Variants in HLTF observed in about 807,000 individuals in gnomAD.
The protein encoded by HLTF is DNA-dependent ATPase/E3 ubiquitin-protein ligase HLTF.
HLTF carries 127 observed loss-of-function variants against 129.4 expected under a neutral mutation model. That is an observed-to-expected ratio of 0.98 (90% CI 0.85 to 1.14). HLTF has a LOEUF of 1.14. Ranked by LOEUF, HLTF falls within the 50% of genes most tolerant of loss-of-function variation. The pLI, the probability that HLTF is intolerant of heterozygous loss-of-function variation, is 0.00. For synonymous variants in HLTF, 332 were observed against 388.8 expected (o/e 0.85, Z 1.72); for missense variants, 1,139 against 1,187.1 (o/e 0.96, Z 0.60).
chr3:149,034,459 C>T (rs1288369334), intron 24 of HLTF, among the ~76,000 whole-genome samples: 1 of 152,048 alleles, frequency 6.6e-6, no homozygotes, highest in Non-Finnish European at 1.5e-5. Flanking sequence ...TTAATGGATA[C>T]ACAGTTTCAG....
At chr3:149,041,237 C>T (rs1250683963) in intron 20 of HLTF, among the ~76,000 whole-genome samples, 1 of 152,066 alleles carries the variant, frequency 6.6e-6, no homozygotes, top group Non-Finnish European at 1.5e-5. Context: ...ATCTTTGTGT[C>T]TCACATTATC....
intron 8 of HLTF, among the ~76,000 whole-genome samples, chr3:149,065,348 C>G (rs539062696): frequency 5.9e-5 from 9 of 152,238 alleles, no homozygotes; most frequent in African/African-American, 2.2e-4. Flanking sequence ...CTTCTTACTC[C>G]ATGGGGTATT....
rs1261375314 is a variant in HLTF at position 149,040,275 on chromosome 3, C to A, written c.2377-119G>T. 3 of 830,860 alleles carry A rather than the reference C, an allele frequency of 3.6e-6. No homozygotes were observed. The South Asian group carries it at 4.9e-5, about 13-fold the overall frequency. The allele number at this position is 830,860 out of a possible 1,614,324, so 51.5% of individuals were successfully genotyped here. On this transcript the variant is annotated intron_variant, in intron 20 of 24. Transcript: ENST00000310053. ...CTCTCATAGCTAACATTTTATTAAA[C>A]CTTTTAATGGATTTCATCCATTTAA...
At chr3:149,064,903 AT>A in intron 8 of HLTF, 37 bp from the exon 9 acceptor site, 1 of 1,191,672 alleles carries the variant, frequency 8.4e-7, no homozygotes, top group Non-Finnish European at 1.2e-6. Context: ...CAGTACTGCT[AT>A]CAGTTTTAAA....
At position 149,072,185 on chromosome 3, in the gene HLTF, G is replaced by C. The variant is rs548204070; in HGVS notation, c.628-528C>G. Among the ~76,000 whole-genome samples the C allele has an allele frequency of 2.6e-5, 4 of 152,322 alleles. No individual in the cohort carries two copies. The East Asian group carries it at 7.7e-4, about 29-fold the overall frequency. ...AATGAACAGGTGCTTTAGTTGTTAGGAGGTAAAAGAATATAAAAGAATTTT... is the reference window on the plus strand; with the variant it reads ...AATGAACAGGTGCTTTAGTTGTTAGCAGGTAAAAGAATATAAAAGAATTTT... On this transcript the variant is annotated intron_variant, in intron 5 of 24. Coordinates refer to ENST00000310053, the MANE Select transcript of HLTF (RefSeq NM_003071.4).
Position 149,084,745 on chromosome 3 carries a change from T to C in HLTF, c.165A>G (p.Val55=). ...PDDFLTSDEE[V]DSVLFGSLRG... Reference sequence around the variant, plus strand: ...TCAAACTTCCAAATAAAACGGAATCTACTTCTTCATCACTAGTTAGAAAGT... The same window carrying C: ...TCAAACTTCCAAATAAAACGGAATCCACTTCTTCATCACTAGTTAGAAAGT... Residue 55 remains valine, a synonymous_variant, in exon 2 of 25, where the codon GTA becomes GTG. Transcript: ENST00000310053. 6.2e-7 allele frequency: 1 copy of C among 1,614,134 alleles called. No individual in the cohort carries two copies. Among genetic ancestry groups the C allele is most frequent in the Non-Finnish European group, 8.5e-7 (1 of 1,179,962 alleles).
chr3:149,073,178 A>G, intron 5 of HLTF, 47 bp downstream of exon 5: 1 of 1,290,362 alleles, frequency 7.7e-7, no homozygotes, highest in Non-Finnish European at 1.1e-6. Context: ...ACAAACCTGC[A>G]ACATTTAAAA....
intron 8 of HLTF, 88 bp from the exon 9 acceptor site, chr3:149,064,954 C>A: frequency 5.7e-4 from 376 of 661,850 alleles, no homozygotes; most frequent in East Asian, 9.2e-4. Flanking sequence ...CTTTACTTTG[C>A]ATAATAAAAA....
chr3:149,076,114 T>C (rs1719334359), intron 2 of HLTF, 67 bp from the exon 3 acceptor site: 1 of 615,462 alleles, frequency 1.6e-6, no homozygotes, highest in Non-Finnish European at 2.7e-6. Flanking sequence ...TTATACTTTA[T>C]CTGGGATTTC....
intron 14 of HLTF, among the ~76,000 whole-genome samples, chr3:149,051,844 T>C (rs2107993996): frequency 6.6e-6 from 1 of 152,148 alleles, no homozygotes; most frequent in South Asian, 2.1e-4. Context: ...CACTCCAGCC[T>C]GGGTGATGGA....
intron 13 of HLTF, among the ~76,000 whole-genome samples, chr3:149,057,442 C>A (rs1022408015): frequency 1.3e-5 from 2 of 152,116 alleles, no homozygotes; most frequent in African/African-American, 2.4e-5. Context: ...AACAAACAAA[C>A]AAACAAAAAA....
chr3:149,065,308 T>C (rs1300818226), intron 8 of HLTF, among the ~76,000 whole-genome samples: 1 of 152,202 alleles, frequency 6.6e-6, no homozygotes, highest in African/African-American at 2.4e-5. Context: ...AACTCTAATA[T>C]ATAATAGTAC....
chr3:149,079,913 T>C (rs557227569), intron 2 of HLTF, among the ~76,000 whole-genome samples: 28 of 152,180 alleles, frequency 1.8e-4, no homozygotes, highest in Non-Finnish European at 3.7e-4. Flanking sequence ...GTTTTTTATA[T>C]ACTGTTAAGT....
intron 23 of HLTF, among the ~76,000 whole-genome samples, chr3:149,037,883 C>T (rs1416874136): frequency 4.6e-5 from 7 of 152,192 alleles, no homozygotes; most frequent in Admixed American, 2.6e-4. Context: ...TAGAAAAACA[C>T]GCTCCTATGT....
chr3:149,034,857 ACTTG>A (rs1451124785), intron 24 of HLTF, 57 bp downstream of exon 24: 10 of 1,069,740 alleles, frequency 9.3e-6, no homozygotes, highest in Admixed American at 3.4e-5. Flanking sequence ...TTCATGCATT[ACTTG>A]CTTAATTGTA....
intron 2 of HLTF, among the ~76,000 whole-genome samples, chr3:149,077,291 T>A (rs1288361010): frequency 5.4e-4 from 73 of 136,282 alleles, no homozygotes; most frequent in Middle Eastern, 3.6e-3. Context: ...AATAAATAAA[T>A]AAAAATAATA....
chr3:149,056,916 T>C (rs1392181727), intron 13 of HLTF, among the ~76,000 whole-genome samples: 2 of 151,116 alleles, frequency 1.3e-5, no homozygotes, highest in Admixed American at 6.6e-5. Flanking sequence ...GAGACCATCC[T>C]GGCTAACACG....
chr3:149,045,542 C>T (rs907177851), intron 18 of HLTF, among the ~76,000 whole-genome samples: 7 of 152,150 alleles, frequency 4.6e-5, no homozygotes, highest in African/African-American at 1.7e-4. Flanking sequence ...CAGAAATCTG[C>T]TGCTTAGAAC....
At chr3:149,079,373 T>TAAAAAAAAAAAAAAAAA (rs71135659) in intron 2 of HLTF, among the ~76,000 whole-genome samples, 1 of 57,230 alleles carries the variant, frequency 1.7e-5, no homozygotes, top group African/African-American at 6.3e-5. Flanking sequence ...CGACAGTTTC[T>TAAAAAAAAAAAAAAAAA]AAAAAAAAAA....
Sources: gnomAD v4.1 joint callset for allele counts (sites outside exome capture counted in the v4.1 genomes callset) on GRCh38, gnomAD v4.1.1 for gene constraint, MANE v1.5 for transcripts, NCBI Gene and HGNC (gene_info 2026-07-23, HGNC 2026-07-21) for gene names.